The following CNOT6L variants were observed in gnomAD, a reference collection of about 807,000 sequenced individuals.
CNOT6L encodes CCR4-NOT transcription complex subunit 6 like, also known as CCR4-NOT transcription complex subunit 6-like.
A neutral mutation model predicts 64.0 loss-of-function variants in CNOT6L; 7 were observed. That is an observed-to-expected ratio of 0.11 (90% CI 0.06 to 0.21). The LOEUF (loss-of-function observed/expected upper bound fraction) is 0.21. CNOT6L is among the 10% of genes least tolerant of loss of function. CNOT6L has a pLI of 1.00. For missense variants in CNOT6L, 245 were observed against 669.0 expected, an observed-to-expected ratio of 0.37 and a Z score of 6.99; for synonymous variants, 193 against 243.4, an observed-to-expected ratio of 0.79 and a Z score of 1.93.
At chr4:77,749,057 C>G (rs1186468145) in intron 5 of CNOT6L, among the ~76,000 whole-genome samples, 1 of 152,134 alleles carries the variant, frequency 6.6e-6, no homozygotes, top group Admixed American at 6.5e-5. Context: ...CAACTTGATT[C>G]AAGTTTGCAG....
intron 4 of CNOT6L, among the ~76,000 whole-genome samples, chr4:77,764,644 T>C (rs557969585): frequency 2.0e-5 from 3 of 152,256 alleles, no homozygotes; most frequent in East Asian, 3.9e-4. Flanking sequence ...AAAAGACCCC[T>C]GACCCAAAGG....
At position 77,718,637 on chromosome 4, in the gene CNOT6L, C is replaced by G. The variant is rs1419298083; in HGVS notation, c.*1794G>C. 6.6e-6 allele frequency: 1 copy of G among 152,452 alleles called. No individual in the cohort carries two copies. The highest frequency in any genetic ancestry group is 6.6e-5 in the Admixed American group (1 of 15,246). The allele number at this position is 152,452 out of a possible 1,614,324, so 9.4% of individuals were successfully genotyped here. On this transcript the variant is annotated 3_prime_UTR_variant, in exon 12 of 12. Transcript: ENST00000504123. Reference sequence around the variant, plus strand: ...AAAGGGAGTTCAGGCTTTACAGAACCCTTCTGATGCAATCCCATGTATGAT... The same window carrying G: ...AAAGGGAGTTCAGGCTTTACAGAACGCTTCTGATGCAATCCCATGTATGAT...
intron 1 of CNOT6L, among the ~76,000 whole-genome samples, chr4:77,801,883 T>G (rs561893522): frequency 6.6e-6 from 1 of 152,052 alleles, no homozygotes; most frequent in African/African-American, 2.4e-5. Context: ...CTGGGCAATA[T>G]AGCAAAAACT....
chr4:77,793,879 A>G (rs1251827714), intron 1 of CNOT6L, among the ~76,000 whole-genome samples: 1 of 152,130 alleles, frequency 6.6e-6, no homozygotes, highest in African/African-American at 2.4e-5. Flanking sequence ...AGCTGGGCGC[A>G]GTGGCTAACA....
At chr4:77,762,855 CTTGA>C (rs1214930900) in intron 4 of CNOT6L, among the ~76,000 whole-genome samples, 11 of 152,250 alleles carry the variant, frequency 7.2e-5, no homozygotes, top group Non-Finnish European at 1.3e-4. Flanking sequence ...TGTTCTATTT[CTTGA>C]CTGTGGTGCT....
At chr4:77,763,042 T>C (rs1333481900) in intron 4 of CNOT6L, among the ~76,000 whole-genome samples, 2 of 151,934 alleles carry the variant, frequency 1.3e-5, no homozygotes, top group Non-Finnish European at 1.5e-5. Flanking sequence ...AGAAACAGAA[T>C]AGAGCAATTT....
chr4:77,736,956 C>T (rs1333822142), intron 8 of CNOT6L, among the ~76,000 whole-genome samples: 2 of 141,216 alleles, frequency 1.4e-5, no homozygotes, highest in African/African-American at 5.2e-5. Flanking sequence ...AAAAAGAACA[C>T]GTCCAGAGCA....
At chr4:77,723,912 G>A (rs1721558167) in intron 11 of CNOT6L, among the ~76,000 whole-genome samples, 1 of 152,152 alleles carries the variant, frequency 6.6e-6, no homozygotes, top group African/African-American at 2.4e-5. Context: ...GTGGATTAAT[G>A]TCCCAAATTG....
intron 9 of CNOT6L, 62 bp downstream of exon 9, chr4:77,731,325 T>C: frequency 6.6e-7 from 1 of 1,518,322 alleles, no homozygotes; most frequent in Non-Finnish European, 9.0e-7. Flanking sequence ...TTCACTTGTT[T>C]TGAGATGGAA....
intron 1 of CNOT6L, among the ~76,000 whole-genome samples, chr4:77,814,022 T>A (rs1171045678): frequency 6.6e-6 from 1 of 152,182 alleles, no homozygotes; most frequent in Non-Finnish European, 1.5e-5. Flanking sequence ...ATAAATGTGG[T>A]GTATTCTTAT....
chr4:77,731,624 C>T (rs1722442417), intron 8 of CNOT6L, 86 bp from the exon 9 acceptor site: 4 of 987,292 alleles, frequency 4.1e-6, no homozygotes, highest in Non-Finnish European at 1.5e-6. Context: ...TGCATTGTCT[C>T]CCTTGTCATT....
chr4:77,798,922 T>A (rs1035825310), intron 1 of CNOT6L, among the ~76,000 whole-genome samples: 1 of 151,254 alleles, frequency 6.6e-6, no homozygotes, highest in African/African-American at 2.4e-5. Flanking sequence ...AAGGCTAGAG[T>A]GTGCCATGAT....
intron 4 of CNOT6L, among the ~76,000 whole-genome samples, chr4:77,764,707 C>T (rs1245920223): frequency 6.6e-6 from 1 of 152,108 alleles, no homozygotes; most frequent in Non-Finnish European, 1.5e-5. Context: ...CACCTTTTGT[C>T]AGAACTCGGA....
At chr4:77,739,751 G>GA (rs1185880809) in intron 8 of CNOT6L, among the ~76,000 whole-genome samples, 1 of 152,100 alleles carries the variant, frequency 6.6e-6, no homozygotes. Flanking sequence ...AGGAAGAAAA[G>GA]AAAAACAGGT....
At position 77,772,372 on chromosome 4, in the gene CNOT6L, A is replaced by G. The variant is rs181104458; in HGVS notation, c.400+709T>C. On this transcript the variant is annotated intron_variant, in intron 4 of 11. Coordinates refer to ENST00000504123, the MANE Select transcript of CNOT6L (RefSeq NM_144571.3). ...CCCCCAAGTAGCTGGGATTACAGGC[A>G]TGCACCACCACACACGGCTAATTTT... Among the ~76,000 whole-genome samples the G allele has an allele frequency of 4.6e-3, 702 of 152,140 alleles. 1 individual carries two copies. Among genetic ancestry groups the G allele is most frequent in the Non-Finnish European group, 6.1e-3 (418 of 67,994 alleles).
chr4:77,818,012 G>C (rs1384747504), intron 1 of CNOT6L, among the ~76,000 whole-genome samples: 1 of 152,196 alleles, frequency 6.6e-6, no homozygotes, highest in Non-Finnish European at 1.5e-5. Flanking sequence ...CTTTACAACT[G>C]GGTTTTGCTT....
chr4:77,776,657 T>C (rs1282798185), intron 1 of CNOT6L, among the ~76,000 whole-genome samples: 1 of 152,240 alleles, frequency 6.6e-6, no homozygotes, highest in Non-Finnish European at 1.5e-5. Flanking sequence ...GGTTGCTTCC[T>C]AACTCCTTCC....
intron 6 of CNOT6L, among the ~76,000 whole-genome samples, chr4:77,747,351 A>G (rs1032149104): frequency 4.6e-5 from 7 of 152,084 alleles, no homozygotes; most frequent in Non-Finnish European, 1.0e-4. Context: ...TGTTTTTAGT[A>G]GAGATGGGGT....
At chr4:77,738,648 G>A (rs1723236623) in intron 8 of CNOT6L, among the ~76,000 whole-genome samples, 1 of 151,410 alleles carries the variant, frequency 6.6e-6, no homozygotes. Flanking sequence ...AGCTACTCAG[G>A]AGGCTAAGGC....
Sources: gnomAD v4.1 joint callset for allele counts (sites outside exome capture counted in the v4.1 genomes callset) on GRCh38, gnomAD v4.1.1 for gene constraint, MANE v1.5 for transcripts, NCBI Gene and HGNC (gene_info 2026-07-23, HGNC 2026-07-21) for gene names.